The following PPIL1 variants were observed in gnomAD, a reference collection of about 807,000 sequenced individuals.
The protein encoded by PPIL1 is peptidylprolyl isomerase like 1, also known as peptidyl-prolyl cis-trans isomerase-like 1.
A neutral mutation model predicts 19.4 loss-of-function variants in PPIL1; 14 were observed. The ratio of observed to expected loss-of-function variants is 0.72; its 90% CI spans 0.48 to 1.13. PPIL1 has a LOEUF of 1.13. PPIL1 is among the 50% of genes most tolerant of loss of function. The pLI is 0.00. For missense variants in PPIL1, 192 were observed against 218.0 expected (o/e 0.88, Z 0.75); for synonymous variants, 72 against 73.6 (o/e 0.98, Z 0.11).
chr6:36,865,038 T>C (rs1243366841), intron 2 of PPIL1, among the ~76,000 whole-genome samples: 2 of 151,830 alleles, frequency 1.3e-5, no homozygotes, highest in African/African-American at 4.8e-5. Flanking sequence ...AAGCCCATGC[T>C]AACCACTGTA....
intron 1 of PPIL1, 156 bp from the exon 2 acceptor site, chr6:36,872,028 T>C (rs1306340942): frequency 4.7e-6 from 3 of 641,356 alleles, no homozygotes; most frequent in East Asian, 3.4e-5. Context: ...AACACCACAA[T>C]GCAAGTAACA....
At position 36,855,908 on chromosome 6, in the gene PPIL1, T is replaced by G; in HGVS notation, c.406A>C (p.Ile136Leu). The G allele has an allele frequency of 6.2e-7, 1 of 1,614,148 alleles. No homozygotes were observed. Among genetic ancestry groups the G allele is most frequent in the South Asian group, 1.1e-5 (1 of 91,082 alleles). ...HTIFGRVCQG[I>L]GMVNRVGMVE... is the part of the protein sequence containing the mutation. ...ATTCCCACGCGATTCACCATTCCTATGCCCTGACACACTCGGCCAAAAATG... is the reference window on the plus strand; with the variant it reads ...ATTCCCACGCGATTCACCATTCCTAGGCCCTGACACACTCGGCCAAAAATG... Residue 136 changes from isoleucine (I) to leucine (L), a missense_variant, in exon 4 of 4, where the codon ATA (isoleucine) becomes CTA (leucine). By Grantham distance (5) the Ile-to-Leu change is conservative (BLOSUM62 2). Transcript: ENST00000373699.
intron 1 of PPIL1, 126 bp from the exon 2 acceptor site, chr6:36,871,998 T>C: frequency 7.8e-6 from 7 of 896,950 alleles, no homozygotes; most frequent in Non-Finnish European, 1.1e-5. Context: ...AACCACTGGA[T>C]TTCATGCTCA....
Position 36,870,323 on chromosome 6 carries a change from T to A in PPIL1, c.211+1395A>T, listed in dbSNP as rs572945353. On this transcript the variant is annotated intron_variant, in intron 2 of 3. Coordinates refer to ENST00000373699, the MANE Select transcript of PPIL1 (RefSeq NM_016059.5). The stretch of plus-strand genomic sequence containing the variant: ...TCCACCAGTTCACTAATAAACCCCA[T>A]CTAAATGCCAGTAACTCCCAAATTA... Among the ~76,000 whole-genome samples the A allele has an allele frequency of 5.9e-5, 9 of 152,228 alleles. No homozygotes were observed. The East Asian group carries it at 1.7e-3, about 29-fold the overall frequency.
chr6:36,856,133 T>C lies in PPIL1; in HGVS notation c.281-100A>G, dbSNP rs1774163277. The C allele has an allele frequency of 3.9e-6, 5 of 1,293,562 alleles. No homozygotes were observed. In the East Asian group the frequency reaches 1.0e-4, roughly 26 times the overall value. The allele number at this position is 1,293,562 out of a possible 1,614,324, so 80.1% of individuals were successfully genotyped here. A position where few individuals can be genotyped will look rare whatever the true frequency, so the allele number is the denominator to read the frequency against. ...AGGGATGAAAAAGCAGCCAGGACTTTGTTCTGGCCTCTGTCCAGACCCAGA... is the reference window on the plus strand; with the variant it reads ...AGGGATGAAAAAGCAGCCAGGACTTCGTTCTGGCCTCTGTCCAGACCCAGA... On this transcript the variant is annotated intron_variant, in intron 3 of 3. Coordinates refer to ENST00000373699, the MANE Select transcript of PPIL1 (RefSeq NM_016059.5).
At chr6:36,859,423 T>C (rs1202576563) in intron 2 of PPIL1, among the ~76,000 whole-genome samples, 2 of 41,870 alleles carry the variant, frequency 4.8e-5, no homozygotes, top group Admixed American at 3.3e-4. Context: ...AGACCCTGTC[T>C]CAAAAAAAAA....
In PPIL1 at chr6:36,874,739, G is replaced by C. The variant is rs1250827855; in HGVS notation, c.34C>G (p.Pro12Ala). 1.2e-5 allele frequency: 19 copies of C among 1,614,182 alleles called. No individual in the cohort carries two copies. Among genetic ancestry groups the C allele is most frequent in the Middle Eastern group, 3.3e-4 (2 of 6,058 alleles). ...CACCTGGTCTCCAAGTAAACGTTGG[G>C]TGGCTGCCAGGAATCTGGGGGAATT... The part of the protein sequence containing the change: ...AAIPPDSWQP[P>A]NVYLETSMGI... The change falls in exon 1 of 4, where the codon CCC becomes GCC. Residue 12 changes from proline (P) to alanine (A), a missense_variant. By Grantham distance (27) the Pro-to-Ala change is conservative. Transcript: ENST00000373699.
chr6:36,868,723 C>T (rs923545316), intron 2 of PPIL1, among the ~76,000 whole-genome samples: 2 of 152,080 alleles, frequency 1.3e-5, no homozygotes, highest in African/African-American at 4.8e-5. Flanking sequence ...GTAGTCTCAG[C>T]TACTCGGGAG....
At chr6:36,869,264 T>C (rs1396906342) in intron 2 of PPIL1, among the ~76,000 whole-genome samples, 2 of 152,190 alleles carry the variant, frequency 1.3e-5, no homozygotes, top group East Asian at 3.8e-4. Context: ...CTTACAGGTG[T>C]GAGCCACCAT....
rs367674535 is a variant in PPIL1 at position 36,859,722 on chromosome 6, T to C, written c.212-3068A>G. 2.6e-5 allele frequency among the ~76,000 whole-genome samples: 4 copies of C among 152,214 alleles called. No homozygotes were observed. In the East Asian group the frequency reaches 5.8e-4, roughly 22 times the overall value. Reference sequence around the variant, plus strand: ...GAGCATGCTACTCAGATGTCAATTATCAGTTAGAAAGCCAACAATTTGGAA... The same window carrying C: ...GAGCATGCTACTCAGATGTCAATTACCAGTTAGAAAGCCAACAATTTGGAA... On this transcript the variant is annotated intron_variant, in intron 2 of 3. Transcript: ENST00000373699.
chr6:36,865,714 G>A (rs904731285), intron 2 of PPIL1, among the ~76,000 whole-genome samples: 1 of 151,942 alleles, frequency 6.6e-6, no homozygotes, highest in African/African-American at 2.4e-5. Flanking sequence ...AATCCACACC[G>A]TACTATCATA....
chr6:36,871,049 T>C (rs1002241743), intron 2 of PPIL1, among the ~76,000 whole-genome samples: 3 of 152,206 alleles, frequency 2.0e-5, no homozygotes, highest in Non-Finnish European at 4.4e-5. Flanking sequence ...AGGTATCATA[T>C]CTTATGATTT....
intron 2 of PPIL1, among the ~76,000 whole-genome samples, chr6:36,867,318 T>C (rs183453848): frequency 6.6e-6 from 1 of 152,088 alleles, no homozygotes; most frequent in Non-Finnish European, 1.5e-5. Context: ...CATACAAAAA[T>C]TAAAAATTAA....
chr6:36,862,755 A>C (rs1323812345), intron 2 of PPIL1, among the ~76,000 whole-genome samples: 1 of 152,212 alleles, frequency 6.6e-6, no homozygotes, highest in African/African-American at 2.4e-5. Context: ...TCTGTTGTGT[A>C]AGAAAAAACA....
intron 2 of PPIL1, among the ~76,000 whole-genome samples, chr6:36,868,603 C>T (rs749046379): frequency 4.6e-5 from 7 of 152,080 alleles, no homozygotes; most frequent in Non-Finnish European, 7.4e-5. Context: ...TTTGGAAGGC[C>T]GAGGCAGGAG....
chr6:36,870,463 C>G (rs951120383), intron 2 of PPIL1, among the ~76,000 whole-genome samples: 1 of 152,092 alleles, frequency 6.6e-6, no homozygotes, highest in Admixed American at 6.6e-5. Flanking sequence ...CAACTAACCG[C>G]GACTGAAAAC....
At chr6:36,860,538 T>C (rs1398687310) in intron 2 of PPIL1, among the ~76,000 whole-genome samples, 2 of 152,150 alleles carry the variant, frequency 1.3e-5, no homozygotes, top group Non-Finnish European at 2.9e-5. Flanking sequence ...ATACAAAGAA[T>C]AATATGACCA....
chr6:36,859,974 G>A (rs1223690301), intron 2 of PPIL1, among the ~76,000 whole-genome samples: 3 of 151,928 alleles, frequency 2.0e-5, no homozygotes, highest in Non-Finnish European at 2.9e-5. Flanking sequence ...GACTACAGGC[G>A]CCCGCCACCA....
chr6:36,868,805 G>A (rs762669398), intron 2 of PPIL1, among the ~76,000 whole-genome samples: 40 of 152,062 alleles, frequency 2.6e-4, no homozygotes, highest in East Asian at 7.7e-4. Flanking sequence ...CACTGTACTC[G>A]AGCCTGGGCC....
Sources: allele counts gnomAD v4.1 joint callset (sites outside exome capture counted in the v4.1 genomes callset), GRCh38; gene constraint gnomAD v4.1.1; transcripts MANE v1.5; gene names NCBI Gene and HGNC (gene_info 2026-07-23, HGNC 2026-07-21).